Variants in ZNF107 observed in about 807,000 individuals in gnomAD.
ZNF107 encodes zinc finger protein 107, also known as C2H2 type zinc-finger protein.
Under a neutral mutation model 12.3 loss-of-function variants are expected in ZNF107, and 19 were observed. That is an observed-to-expected ratio of 1.55 (90% CI 1.08 to 2.27). The LOEUF (loss-of-function observed/expected upper bound fraction) is 2.27, where lower values mean the gene tolerates loss of function less well. Among genes scored for constraint, ZNF107 ranks in the 30% most tolerant of loss-of-function variants. ZNF107 has a pLI of 0.00. For synonymous variants in ZNF107, 317 were observed against 330.5 expected (o/e 0.96, Z 0.44); for missense variants, 958 against 979.9 (o/e 0.98, Z 0.30).
chr7:64,709,894 G>T lies in ZNF107; in HGVS notation c.*1238G>T, dbSNP rs74709909. 8,845 of 354,022 alleles carry T rather than the reference G, an allele frequency of 0.025. 518 individuals carry two copies. Among genetic ancestry groups the T allele is most frequent in the African/African-American group, 0.14 (6,254 of 44,840 alleles). 21.9% of individuals were successfully genotyped at this position (354,022 alleles called of 1,614,324 possible). A position where few individuals can be genotyped will look rare whatever the true frequency, so the allele number is the denominator to read the frequency against. ...AATGCCAGCACTTTGGGAGGCCAAG[G>T]TGGGTGGATCACCTGAGGGCAGGAG... On this transcript the variant is annotated 3_prime_UTR_variant, in exon 4 of 4. Coordinates refer to ENST00000620827, the MANE Select transcript of ZNF107 (RefSeq NM_001282359.2).
In ZNF107 at chr7:64,707,462, T is replaced by A; in HGVS notation, c.1365T>A (p.Cys455Ter). 1.2e-6 allele frequency: 2 copies of A among 1,613,294 alleles called. No homozygotes were observed. Among genetic ancestry groups the A allele is most frequent in the Non-Finnish European group, 1.7e-6 (2 of 1,179,656 alleles). ...KIHTAEKSYK[C>*]EECGKAFNQH... is the part of the protein sequence containing the mutation. ...ATACTGCAGAGAAATCCTATAAATG[T>A]GAAGAATGTGGCAAAGCTTTTAACC... The change falls in exon 4 of 4, where the codon TGT (cysteine) becomes TGA (stop). Residue 455 changes from cysteine to a stop codon, truncating the protein, a stop_gained. Transcript: ENST00000620827. LOFTEE classifies it low-confidence loss of function (END_TRUNC).
chr7:64,703,449 C>T (rs1034865802), intron 3 of ZNF107, among the ~76,000 whole-genome samples: 2 of 152,124 alleles, frequency 1.3e-5, no homozygotes, highest in African/African-American at 2.4e-5. Flanking sequence ...GGGAGCAAAA[C>T]GTTTAGATTG....
chr7:64,710,065 T>A lies in ZNF107; in HGVS notation c.*1409T>A. On this transcript the variant is annotated 3_prime_UTR_variant, in exon 4 of 4. Transcript: ENST00000620827. ...ATTGCTCAAACCTGGGAGGCGAAGATTGCAGTGAGCTGAAATCACACCACT... is the reference window on the plus strand; with the variant it reads ...ATTGCTCAAACCTGGGAGGCGAAGAATGCAGTGAGCTGAAATCACACCACT... The A allele has an allele frequency of 4.8e-6, 1 of 207,112 alleles. No homozygotes were observed. The highest frequency in any genetic ancestry group is 9.7e-6 in the Non-Finnish European group (1 of 102,972). The allele number at this position is 207,112 out of a possible 1,614,324, so 12.8% of individuals were successfully genotyped here.
In ZNF107 at chr7:64,709,896, G is replaced by A. The variant is rs1340203805; in HGVS notation, c.*1240G>A. 1 of 351,090 alleles carries A rather than the reference G, an allele frequency of 2.8e-6. No individual in the cohort carries two copies. Among genetic ancestry groups the A allele is most frequent in the African/African-American group, 2.2e-5 (1 of 44,634 alleles). 21.7% of individuals were successfully genotyped at this position (351,090 alleles called of 1,614,324 possible). A position where few individuals can be genotyped will look rare whatever the true frequency, so the allele number is the denominator to read the frequency against. On this transcript the variant is annotated 3_prime_UTR_variant, in exon 4 of 4. Transcript: ENST00000620827. The stretch of plus-strand genomic sequence containing the variant: ...TGCCAGCACTTTGGGAGGCCAAGGT[G>A]GGTGGATCACCTGAGGGCAGGAGTC...
chr7:64,675,786 C>T (rs1288122164), intron 1 of ZNF107, among the ~76,000 whole-genome samples: 2 of 152,150 alleles, frequency 1.3e-5, no homozygotes, highest in Non-Finnish European at 2.9e-5. Flanking sequence ...GTACTTTGTT[C>T]TCATTTGTTC....
chr7:64,673,119 C>G lies in ZNF107; in HGVS notation c.3+6834C>G, dbSNP rs563983102. Reference sequence around the variant, plus strand: ...AGTGCAGTGGCACGATCTTGGCTCACTGCAACCTCTCCCGCCTGAGTTCAA... The same window carrying G: ...AGTGCAGTGGCACGATCTTGGCTCAGTGCAACCTCTCCCGCCTGAGTTCAA... On this transcript the variant is annotated intron_variant, in intron 1 of 3. Transcript: ENST00000620827. Among the ~76,000 whole-genome samples, 3 of 152,354 alleles carry G rather than the reference C, an allele frequency of 2.0e-5. No homozygotes were observed. In the East Asian group the frequency reaches 5.8e-4, roughly 29 times the overall value.
intron 1 of ZNF107, among the ~76,000 whole-genome samples, chr7:64,671,583 G>A (rs144585131): frequency 1.3e-5 from 2 of 152,228 alleles, no homozygotes; most frequent in African/African-American, 4.8e-5. Flanking sequence ...CTGTAGCACA[G>A]ACCATTCCTC....
Position 64,708,909 on chromosome 7 carries a change from T to A in ZNF107, c.*253T>A. 1 of 570,202 alleles carries A rather than the reference T, an allele frequency of 1.8e-6. No homozygotes were observed. Among genetic ancestry groups the A allele is most frequent in the Non-Finnish European group, 3.2e-6 (1 of 316,688 alleles). The allele number at this position is 570,202 out of a possible 1,614,324, so 35.3% of individuals were successfully genotyped here. A position where few individuals can be genotyped will look rare whatever the true frequency, so the allele number is the denominator to read the frequency against. ...TGAAAAATGTGGCAAATCCTTTAAC[T>A]GATCCTCAACTTTTACTAAACATAA... On this transcript the variant is annotated 3_prime_UTR_variant, in exon 4 of 4. Coordinates refer to ENST00000620827, the MANE Select transcript of ZNF107 (RefSeq NM_001282359.2).
intron 1 of ZNF107, among the ~76,000 whole-genome samples, chr7:64,672,620 A>G (rs1402467746): frequency 6.6e-6 from 1 of 152,120 alleles, no homozygotes; most frequent in East Asian, 1.9e-4. Flanking sequence ...GCCTCAGCTT[A>G]CGAAAGTGCT....
intron 1 of ZNF107, chr7:64,679,430 A>T (rs1789561926): frequency 1.1e-6 from 1 of 922,876 alleles, no homozygotes; most frequent in Non-Finnish European, 1.3e-6. Context: ...TTGGTCATGG[A>T]TTATCTCTGG....
Position 64,707,629 on chromosome 7 carries a change from G to A in ZNF107, c.1532G>A (p.Cys511Tyr). 6.2e-7 allele frequency: 1 copy of A among 1,612,904 alleles called. No homozygotes were observed. Among genetic ancestry groups the A allele is most frequent in the Non-Finnish European group, 8.5e-7 (1 of 1,179,658 alleles). Reference sequence around the variant, plus strand: ...CATACTGGAGAGAAACCCTACAAATGTGAAGAATGTGACAGAGCTTTTAGC... The same window carrying A: ...CATACTGGAGAGAAACCCTACAAATATGAAGAATGTGACAGAGCTTTTAGC... Reference protein sequence around the residue: ...KIHTGEKPYKCEECDRAFSQS... With the variant: ...KIHTGEKPYKYEECDRAFSQS... Residue 511 changes from cysteine to tyrosine, a missense_variant, in exon 4 of 4, where the codon TGT becomes TAT. Physicochemically the swap from Cys to Tyr is radical, Grantham distance 194. Transcript: ENST00000620827.
chr7:64,698,687 CTGGA>C (rs1159893784), intron 3 of ZNF107, among the ~76,000 whole-genome samples: 1 of 152,172 alleles, frequency 6.6e-6, no homozygotes, highest in Non-Finnish European at 1.5e-5. Flanking sequence ...TCCCAAAGTG[CTGGA>C]ATTACAGGCG....
chr7:64,688,972 CTT>C (rs527994301), intron 1 of ZNF107, among the ~76,000 whole-genome samples: 129 of 152,282 alleles, frequency 8.5e-4, no homozygotes, highest in Non-Finnish European at 1.3e-3. Context: ...CTTTCCCTCT[CTT>C]TTTGCCTTTA....
At chr7:64,674,419 T>C (rs1216010176) in intron 1 of ZNF107, among the ~76,000 whole-genome samples, 1 of 152,224 alleles carries the variant, frequency 6.6e-6, no homozygotes, top group Non-Finnish European at 1.5e-5. Context: ...TGGATGTTGT[T>C]GATGTAGAGG....
At chr7:64,686,033 C>G (rs571002236) in intron 1 of ZNF107, among the ~76,000 whole-genome samples, 2 of 152,270 alleles carry the variant, frequency 1.3e-5, no homozygotes, top group African/African-American at 4.8e-5. Context: ...CAAGACATAG[C>G]AAAATCCACC....
At position 64,691,255 on chromosome 7, in the gene ZNF107, T is replaced by C; in HGVS notation, c.11T>C (p.Leu4Pro). The change falls in exon 2 of 4, where the codon CTG (leucine) becomes CCG (proline). Residue 4 changes from leucine (L) to proline (P), a missense_variant. Coordinates refer to ENST00000620827, the MANE Select transcript of ZNF107 (RefSeq NM_001282359.2). MEP[L>P]TFKDVAIEFS... ...TGTGTTTGTGTTTTTCAGGAACCAC[T>C]GACATTTAAAGATGTCGCCATAGAA... is the stretch of plus-strand genomic sequence containing the variant. 6.6e-7 allele frequency: 1 copy of C among 1,512,664 alleles called. No individual in the cohort carries two copies. The highest frequency in any genetic ancestry group is 2.1e-5 in the Admixed American group (1 of 46,802). 93.7% of individuals were successfully genotyped at this position (1,512,664 alleles called of 1,614,324 possible).
At chr7:64,678,387 T>C (rs1445146708) in intron 1 of ZNF107, among the ~76,000 whole-genome samples, 2 of 152,240 alleles carry the variant, frequency 1.3e-5, no homozygotes, top group African/African-American at 4.8e-5. Context: ...CGAGGTTCAG[T>C]GTATGAACCG....
chr7:64,682,701 C>A (rs1486834622), intron 1 of ZNF107, among the ~76,000 whole-genome samples: 2 of 152,144 alleles, frequency 1.3e-5, no homozygotes, highest in African/African-American at 4.8e-5. Flanking sequence ...CCTAGAATCC[C>A]TCAAAATCAC....
intron 1 of ZNF107, chr7:64,687,599 G>A: frequency 1.0e-6 from 1 of 980,482 alleles, no homozygotes; most frequent in Non-Finnish European, 1.2e-6. Flanking sequence ...TCATGAAGAT[G>A]TGAAAAGTGT....
Sources: gnomAD v4.1 joint callset for allele counts (sites outside exome capture counted in the v4.1 genomes callset) on GRCh38, gnomAD v4.1.1 for gene constraint, MANE v1.5 for transcripts, NCBI Gene and HGNC (gene_info 2026-07-23, HGNC 2026-07-21) for gene names.